The following PDE1C variants were observed in gnomAD, a reference collection of about 807,000 sequenced individuals.
PDE1C encodes the protein phosphodiesterase 1C.
PDE1C carries 62 observed loss-of-function variants against 93.1 expected under a neutral mutation model. The ratio of observed to expected loss-of-function variants is 0.67; its 90% CI spans 0.54 to 0.82. The LOEUF (loss-of-function observed/expected upper bound fraction) is 0.82, where lower values mean the gene tolerates loss of function less well. Ranked by LOEUF, PDE1C falls within the 40% of genes least tolerant of loss-of-function variation. The probability of loss-of-function intolerance (pLI) is 0.00; values close to 1 mark genes in which losing one functional copy is unlikely to be tolerated. For synonymous variants in PDE1C, 325 were observed against 310.1 expected, an observed-to-expected ratio of 1.05 and a Z score of -0.50; for missense variants, 742 against 884.6, an observed-to-expected ratio of 0.84 and a Z score of 2.04.
Position 32,133,492 on chromosome 7 carries a change from C to A in PDE1C, c.308+36293G>T, listed in dbSNP as rs565585078. 2.0e-5 allele frequency among the ~76,000 whole-genome samples: 3 copies of A among 152,098 alleles called. No individual in the cohort carries two copies. In the South Asian group the frequency reaches 6.2e-4, roughly 32 times the overall value. ...TTGGCTGAAGGAACCAGGGGAAAAT[C>A]CTGGGGCATCCACTGCTGCCAGGGA... On this transcript the variant is annotated intron_variant, in intron 3 of 18. Coordinates refer to the PDE1C transcript ENST00000396193.
At chr7:31,710,518 A>G in the PDE1C span, among the ~76,000 whole-genome samples, 1 of 152,206 alleles carries the variant, frequency 6.6e-6, no homozygotes, top group Non-Finnish European at 1.5e-5. Flanking sequence ...TTTAAATGCA[A>G]TTAAGTGAAT....
chr7:31,901,665 A>G (rs1322102173), intron 2 of PDE1C, among the ~76,000 whole-genome samples: 1 of 151,332 alleles, frequency 6.6e-6, no homozygotes, highest in Non-Finnish European at 1.5e-5. Flanking sequence ...ATTTCTAAAC[A>G]AAAAGGAATT....
rs79369147 is a variant in PDE1C, at chr7:32,421,934, T to C, written c.310+5888A>G. ...GCAGGTTACTTGATTCTGCCCCAAA[T>C]TGAGACTGACTTTGAAAGCAATGAA... On this transcript the variant is annotated intron_variant, in intron 1 of 1. Coordinates refer to the PDE1C transcript ENST00000672256. Among the ~76,000 whole-genome samples, 537 of 152,176 alleles carry C rather than the reference T, an allele frequency of 3.5e-3. 3 individuals carry two copies. Among genetic ancestry groups the C allele is most frequent in the African/African-American group, 0.013 (522 of 41,514 alleles).
chr7:31,678,338 C>T, the PDE1C span, among the ~76,000 whole-genome samples: 86 of 152,144 alleles, frequency 5.7e-4, no homozygotes, highest in African/African-American at 2.1e-3. Flanking sequence ...ATATCATAAA[C>T]CCGGTATAAA....
chr7:31,716,065 T>C, the PDE1C span, among the ~76,000 whole-genome samples: 1 of 152,216 alleles, frequency 6.6e-6, no homozygotes, highest in Non-Finnish European at 1.5e-5. Context: ...GTTGTTATCC[T>C]GGCAACCATC....
chr7:31,890,662 C>A (rs1011521079), intron 2 of PDE1C, among the ~76,000 whole-genome samples: 2 of 152,108 alleles, frequency 1.3e-5, no homozygotes, highest in African/African-American at 4.8e-5. Context: ...GTAAGATAAA[C>A]CTAAGGTTAC....
chr7:31,631,900 G>C, the PDE1C span, among the ~76,000 whole-genome samples: 1 of 152,154 alleles, frequency 6.6e-6, no homozygotes, highest in East Asian at 1.9e-4. Flanking sequence ...TTTAGGATGA[G>C]AGTCAAGATA....
At position 31,752,881 on chromosome 7, in the gene PDE1C, T is replaced by C. The variant is rs1794206807; in HGVS notation, c.*503A>G. The C allele has an allele frequency of 6.6e-6, 1 of 152,226 alleles. No homozygotes were observed. The highest frequency in any genetic ancestry group is 2.1e-4 in the South Asian group (1 of 4,836). 9.4% of individuals were successfully genotyped at this position (152,226 alleles called of 1,614,324 possible). A position where few individuals can be genotyped will look rare whatever the true frequency, so the allele number is the denominator to read the frequency against. On this transcript the variant is annotated 3_prime_UTR_variant, in exon 18 of 18. Transcript: ENST00000396191. ...AAGCACAACTTCTGTTTTGAATACA[T>C]TTACTTTGATAGTTACATATTTACT...
chr7:31,795,856 A>T (rs1046107567), intron 16 of PDE1C, among the ~76,000 whole-genome samples: 1 of 151,688 alleles, frequency 6.6e-6, no homozygotes, highest in Non-Finnish European at 1.5e-5. Context: ...TTGGGTTAAA[A>T]CATCACTGAA....
intron 2 of PDE1C, among the ~76,000 whole-genome samples, chr7:32,011,269 T>C (rs998491916): frequency 6.6e-6 from 1 of 152,072 alleles, no homozygotes; most frequent in African/African-American, 2.4e-5. Flanking sequence ...CTCAGTTCAC[T>C]GCAAGTTCCA....
the PDE1C span, among the ~76,000 whole-genome samples, chr7:31,637,412 T>TA: frequency 6.6e-6 from 1 of 152,184 alleles, no homozygotes; most frequent in Non-Finnish European, 1.5e-5. Flanking sequence ...TTTCCTGACT[T>TA]TTTAATGATC....
rs1796800740 is a variant in PDE1C, at chr7:31,878,011, C to T, written c.451G>A (p.Val151Ile). ...ERMYRRTSNM[V>I]GLSYPPAVIE... ...ACAGCTGGTGGATAGCTCAGTCCAA[C>T]CATGTTTGATGTCCGTCTATACATT... The change falls in exon 5 of 18, where the codon GTT becomes ATT. Residue 151 changes from valine (V) to isoleucine (I), a missense_variant. By Grantham distance (29) the Val-to-Ile change is conservative. Coordinates refer to ENST00000396191, the MANE Select transcript of PDE1C (RefSeq NM_001191057.4). 2 of 1,612,978 alleles carry T rather than the reference C, an allele frequency of 1.2e-6. No individual in the cohort carries two copies. Among genetic ancestry groups the T allele is most frequent in the Non-Finnish European group, 1.7e-6 (2 of 1,179,366 alleles).
At chr7:31,847,249 T>C (rs1792754261) in intron 9 of PDE1C, among the ~76,000 whole-genome samples, 1 of 152,120 alleles carries the variant, frequency 6.6e-6, no homozygotes, top group Non-Finnish European at 1.5e-5. Flanking sequence ...TTCAAGAAAT[T>C]AAAATTTTAA....
intron 1 of PDE1C, among the ~76,000 whole-genome samples, chr7:32,411,852 C>G (rs1019021274): frequency 6.6e-6 from 1 of 151,816 alleles, no homozygotes; most frequent in African/African-American, 2.4e-5. Context: ...TTCTTTATAT[C>G]CTTATTCTAT....
chr7:31,669,827 C>T, the PDE1C span, among the ~76,000 whole-genome samples: 2 of 152,170 alleles, frequency 1.3e-5, no homozygotes, highest in Non-Finnish European at 2.9e-5. Flanking sequence ...TGCCTACAGA[C>T]ATTTTGATTA....
chr7:32,111,537 G>A (rs893628009), intron 3 of PDE1C, among the ~76,000 whole-genome samples: 2 of 152,154 alleles, frequency 1.3e-5, no homozygotes, highest in Admixed American at 1.3e-4. Flanking sequence ...GTGGAACCAT[G>A]GTTGGGATTT....
intron 2 of PDE1C, among the ~76,000 whole-genome samples, chr7:31,971,497 G>A (rs115624033): frequency 0.011 from 1,659 of 152,198 alleles, 30 homozygotes; most frequent in African/African-American, 0.038. Context: ...CATATAAAGC[G>A]CTTAGTGCTT....
chr7:31,753,570 G>C lies in PDE1C; in HGVS notation c.1961-17C>G. The C allele has an allele frequency of 6.2e-7, 1 of 1,605,368 alleles. No individual in the cohort carries two copies. The highest frequency in any genetic ancestry group is 1.7e-5 in the Admixed American group (1 of 59,226). ...GCTTGATGACTGGCGGCCATGGAAA[G>C]GAAGACAGACAACGGTTAGCCTCAC... On this transcript the variant is annotated splice_polypyrimidine_tract_variant and intron_variant, in intron 17 of 17. Coordinates refer to ENST00000396191, the MANE Select transcript of PDE1C (RefSeq NM_001191057.4).
At chr7:32,038,948 T>A (rs1041476851) in intron 2 of PDE1C, among the ~76,000 whole-genome samples, 7 of 152,118 alleles carry the variant, frequency 4.6e-5, no homozygotes, top group Admixed American at 4.6e-4. Flanking sequence ...TGTTTCTCAA[T>A]AGAATGAATC....
Sources: gnomAD v4.1 joint callset for allele counts (sites outside exome capture counted in the v4.1 genomes callset) on GRCh38, gnomAD v4.1.1 for gene constraint, MANE v1.5 for transcripts, NCBI Gene and HGNC (gene_info 2026-07-23, HGNC 2026-07-21) for gene names.